The following IP6K2 variants were observed in gnomAD, a reference collection of about 807,000 sequenced individuals.
IP6K2 encodes inositol hexakisphosphate kinase 2.
A neutral mutation model predicts 43.3 loss-of-function variants in IP6K2; 9 were observed. The observed-to-expected ratio is 0.21, with a 90% CI of 0.13 to 0.36. The LOEUF is 0.36. Among genes scored for constraint, IP6K2 ranks in the 10% least tolerant of loss-of-function variants. IP6K2 has a pLI of 1.00. For missense variants in IP6K2, 332 were observed against 538.4 expected, an observed-to-expected ratio of 0.62 and a Z score of 3.79; for synonymous variants, 209 against 202.4, an observed-to-expected ratio of 1.03 and a Z score of -0.28.
At chr3:48,693,350 G>A in intron 2 of IP6K2, 171 bp from the exon 3 acceptor site, 1 of 1,112,674 alleles carries the variant, frequency 9.0e-7, no homozygotes, top group Non-Finnish European at 1.4e-6. Context: ...TAGAAAAGAT[G>A]ACACCATACA....
At chr3:48,708,432 T>G (rs1178622125) in intron 1 of IP6K2, among the ~76,000 whole-genome samples, 1 of 152,072 alleles carries the variant, frequency 6.6e-6, no homozygotes, top group East Asian at 1.9e-4. Flanking sequence ...GGGCTCACTA[T>G]GTTGCCCAGG....
intron 3 of IP6K2, among the ~76,000 whole-genome samples, chr3:48,691,849 TTTC>T (rs1435580597): frequency 6.6e-6 from 1 of 151,560 alleles, no homozygotes; most frequent in Non-Finnish European, 1.5e-5. Context: ...ATCCAGAAAC[TTTC>T]TTTTTTTTCT....
intron 3 of IP6K2, among the ~76,000 whole-genome samples, chr3:48,692,125 A>G (rs1008180566): frequency 6.6e-6 from 1 of 152,044 alleles, no homozygotes; most frequent in Non-Finnish European, 1.5e-5. Context: ...GAGCCACCGC[A>G]CCCGGCCAGA....
At position 48,688,568 on chromosome 3, in the gene IP6K2, C is replaced by T; in HGVS notation, c.986G>A (p.Ser329Asn). The change falls in exon 6 of 6, where the codon AGC becomes AAC. Residue 329 changes from serine (S) to asparagine (N), a missense_variant. Transcript: ENST00000328631. This position sits in a 1 kb window ranked among gnomAD's most constrained non-coding sequence, Gnocchi z 5.1. The part of the protein sequence containing the change: ...ERQESYRFYS[S>N]SLLVIYDGKE... ...GCCATCATAAATGACCAGCAGGGAG[C>T]TTGAGTAGAAGCGGTAGGACTCCTG... 1 of 1,614,230 alleles carries T rather than the reference C, an allele frequency of 6.2e-7. No homozygotes were observed. Among genetic ancestry groups the T allele is most frequent in the Non-Finnish European group, 8.5e-7 (1 of 1,180,056 alleles).
chr3:48,691,968 G>C (rs2077837461), intron 3 of IP6K2, among the ~76,000 whole-genome samples: 1 of 152,038 alleles, frequency 6.6e-6, no homozygotes, highest in Admixed American at 6.5e-5. Flanking sequence ...TCTCAGCTGG[G>C]ACTACAGGCG....
At position 48,695,297 on chromosome 3, in the gene IP6K2, G is replaced by A. The variant is rs769006659; in HGVS notation, c.-6C>T. 14 of 1,599,100 alleles carry A rather than the reference G, an allele frequency of 8.8e-6. No homozygotes were observed. Among genetic ancestry groups the A allele is most frequent in the Middle Eastern group, 1.7e-4 (1 of 6,008 alleles). Reference sequence around the variant, plus strand: ...GCCCTGAAGGCTGGGCTCATCCTCCGGGCGCAGATGGCGGGGAGATGGGGG... The same window carrying A: ...GCCCTGAAGGCTGGGCTCATCCTCCAGGCGCAGATGGCGGGGAGATGGGGG... On this transcript the variant is annotated 5_prime_UTR_variant, in exon 2 of 6. Transcript: ENST00000328631. The surrounding 1 kb of genome is among the most constrained non-coding windows in gnomAD (Gnocchi z 4.6).
Position 48,692,998 on chromosome 3 carries a change from A to G in IP6K2, c.384T>C (p.Pro128=). 1 of 1,614,146 alleles carries G rather than the reference A, an allele frequency of 6.2e-7. No homozygotes were observed. ...TACGGTGCTGACGCACCCAGTCCTT[A>G]GGGGTCTTTTCTGTTTCTAAGACAT... ...KHHVLETEKT[P]KDWVRQHRKE... is the part of the protein sequence containing the mutation. Residue 128 remains proline, a synonymous_variant, in exon 3 of 6, where the codon CCT becomes CCC. Coordinates refer to ENST00000328631, the MANE Select transcript of IP6K2 (RefSeq NM_016291.4).
Position 48,688,474 on chromosome 3 carries a change from A to C in IP6K2, c.1080T>G (p.Ala360=), listed in dbSNP as rs905913166. Reference sequence around the variant, plus strand: ...AGGCATAGGCACCAGCAGACTCATCAGCTGATTCCTCTGACAGGTCCTCCA... The same window carrying C: ...AGGCATAGGCACCAGCAGACTCATCCGCTGATTCCTCTGACAGGTCCTCCA... ...EDLEDLSEES[A]DESAGAYAYK... Residue 360 remains alanine (A), a synonymous_variant, in exon 6 of 6, where the codon GCT becomes GCG. Transcript: ENST00000328631. This position sits in a 1 kb window ranked among gnomAD's most constrained non-coding sequence, Gnocchi z 5.1. 1 of 1,614,200 alleles carries C rather than the reference A, an allele frequency of 6.2e-7. No homozygotes were observed. The highest frequency in any genetic ancestry group is 1.7e-5 in the Admixed American group (1 of 60,030).
chr3:48,705,937 G>A (rs925073269), intron 1 of IP6K2, among the ~76,000 whole-genome samples: 2 of 151,524 alleles, frequency 1.3e-5, no homozygotes, highest in Non-Finnish European at 2.9e-5. Context: ...CAGGCATAGT[G>A]GCTCACGCCT....
At chr3:48,692,877 AG>A in intron 3 of IP6K2, 76 bp downstream of exon 3, 1 of 1,033,558 alleles carries the variant, frequency 9.7e-7, no homozygotes, top group South Asian at 1.4e-5. Flanking sequence ...CCTTAGCTCC[AG>A]GGAACTGGGC....
chr3:48,704,696 C>G (rs1307097170), intron 1 of IP6K2, among the ~76,000 whole-genome samples: 1 of 152,178 alleles, frequency 6.6e-6, no homozygotes, highest in Non-Finnish European at 1.5e-5. Context: ...TGGTCTTGAA[C>G]TCTTGAGTTC....
chr3:48,707,044 G>A (rs900982994), intron 1 of IP6K2, among the ~76,000 whole-genome samples: 10 of 151,954 alleles, frequency 6.6e-5, no homozygotes, highest in Admixed American at 6.6e-4. Flanking sequence ...ATGTATTTAT[G>A]TTACATATAT....
At position 48,691,489 on chromosome 3, in the gene IP6K2, A is replaced by G. The variant is rs761883577; in HGVS notation, c.429-7T>C. The G allele has an allele frequency of 6.2e-7, 1 of 1,600,584 alleles. No individual in the cohort carries two copies. Among genetic ancestry groups the G allele is most frequent in the Admixed American group, 1.7e-5 (1 of 59,124 alleles). On this transcript the variant is annotated splice_region_variant and splice_polypyrimidine_tract_variant and intron_variant, in intron 3 of 5. Transcript: ENST00000328631. ...TTCTTCTTCTAACTTATGGCTATAAAGAGATAAGGACCAATAAATCAGTAT... is the reference window on the plus strand; with the variant it reads ...TTCTTCTTCTAACTTATGGCTATAAGGAGATAAGGACCAATAAATCAGTAT...
chr3:48,715,503 G>C (rs1469798390), intron 1 of IP6K2: 1 of 1,516,528 alleles, frequency 6.6e-7, no homozygotes, highest in Non-Finnish European at 8.8e-7. Flanking sequence ...CTAGCATACA[G>C]TGTACCTGTC....
intron 2 of IP6K2, chr3:48,693,839 G>C (rs1178219563): frequency 4.4e-6 from 5 of 1,139,920 alleles, no homozygotes; most frequent in Non-Finnish European, 3.2e-6. Flanking sequence ...ACACAAGGCA[G>C]ATAGAGCTGG....
At chr3:48,704,470 G>A (rs1286328071) in intron 1 of IP6K2, among the ~76,000 whole-genome samples, 1 of 150,152 alleles carries the variant, frequency 6.7e-6, no homozygotes, top group African/African-American at 2.5e-5. Context: ...AAATGCTTAT[G>A]ATACACTTTT....
intron 4 of IP6K2, 151 bp from the exon 5 acceptor site, chr3:48,689,864 A>G (rs1173850939): frequency 1.6e-6 from 1 of 640,800 alleles, no homozygotes; most frequent in African/African-American, 1.8e-5. Context: ...CAGGGAGTCC[A>G]GAGCTGACTA....
At chr3:48,694,222 AG>A in intron 2 of IP6K2, 1 of 1,551,532 alleles carries the variant, frequency 6.4e-7, no homozygotes, top group African/African-American at 1.4e-5. Context: ...CCAGCTAACA[AG>A]GGGCCTTTGG....
rs2078197527 is a variant in IP6K2 at position 48,695,205 on chromosome 3, G to A, written c.87C>T (p.His29=). ...TCTCATTGAAGCGGAGCACGCATGA[G>A]TGCCCCCCGACCTGGTGGACAAAGG... ...LEPFVHQVGG[H]SCVLRFNETT... Residue 29 remains histidine (H), a synonymous_variant, in exon 2 of 6, where the codon CAC becomes CAT. Coordinates refer to ENST00000328631, the MANE Select transcript of IP6K2 (RefSeq NM_016291.4). The surrounding 1 kb of genome is among the most constrained non-coding windows in gnomAD (Gnocchi z 4.6). 1.3e-6 allele frequency: 2 copies of A among 1,583,728 alleles called. No homozygotes were observed. The highest frequency in any genetic ancestry group is 1.7e-6 in the Non-Finnish European group (2 of 1,159,192).
Sources: gnomAD v4.1 joint callset for allele counts (sites outside exome capture counted in the v4.1 genomes callset) on GRCh38, gnomAD v4.1.1 for gene constraint, Gnocchi (gnomAD v3.1) non-coding constraint, MANE v1.5 for transcripts, NCBI Gene and HGNC (gene_info 2026-07-23, HGNC 2026-07-21) for gene names.